MCF2L2: variants seen among roughly 807,000 people sequenced by gnomAD.
The protein encoded by MCF2L2 is MCF.2 cell line derived transforming sequence-like 2, also known as probable guanine nucleotide exchange factor MCF2L2.
A neutral mutation model predicts 150.2 loss-of-function variants in MCF2L2; 102 were observed. The ratio of observed to expected loss-of-function variants is 0.68; its 90% CI spans 0.58 to 0.80. The LOEUF (loss-of-function observed/expected upper bound fraction) is 0.80, where lower values mean the gene tolerates loss of function less well. Among genes scored for constraint, MCF2L2 ranks in the 30% least tolerant of loss-of-function variants. The pLI is 0.00. For synonymous variants in MCF2L2, 465 were observed against 491.3 expected, an observed-to-expected ratio of 0.95 and a Z score of 0.71; for missense variants, 1,256 against 1,372.8, an observed-to-expected ratio of 0.91 and a Z score of 1.34.
At chr3:183,361,511 CT>C (rs1190658277) in intron 3 of MCF2L2, among the ~76,000 whole-genome samples, 1 of 152,160 alleles carries the variant, frequency 6.6e-6, no homozygotes, top group Non-Finnish European at 1.5e-5. Flanking sequence ...GGCACCTCCC[CT>C]ATCACTCTCT....
chr3:183,216,661 G>A (rs547158186), intron 21 of MCF2L2, among the ~76,000 whole-genome samples: 14 of 134,874 alleles, frequency 1.0e-4, no homozygotes, highest in African/African-American at 3.8e-4. Flanking sequence ...CTGGAGTGCA[G>A]AGGCACGATC....
intron 3 of MCF2L2, among the ~76,000 whole-genome samples, chr3:183,365,737 A>C (rs955592437): frequency 6.6e-6 from 1 of 152,212 alleles, no homozygotes; most frequent in African/African-American, 2.4e-5. Context: ...AGATACAATA[A>C]AAGAAAAATC....
At chr3:183,204,791 T>C (rs1365289253) in intron 25 of MCF2L2, among the ~76,000 whole-genome samples, 1 of 152,130 alleles carries the variant, frequency 6.6e-6, no homozygotes, top group African/African-American at 2.4e-5. Context: ...ACAAAGATGG[T>C]ATATCCATAC....
At chr3:183,229,487 G>A (rs1723468683) in intron 17 of MCF2L2, among the ~76,000 whole-genome samples, 179 bp downstream of exon 17, 1 of 152,050 alleles carries the variant, frequency 6.6e-6, no homozygotes, top group East Asian at 1.9e-4. Flanking sequence ...TTCTCTCCAG[G>A]GATCCTGTGG....
chr3:183,282,217 C>T (rs893868049), intron 14 of MCF2L2, among the ~76,000 whole-genome samples: 2 of 151,570 alleles, frequency 1.3e-5, no homozygotes, highest in Non-Finnish European at 2.9e-5. Context: ...CTTGTGCTGT[C>T]GCCCAGGCTG....
intron 21 of MCF2L2, among the ~76,000 whole-genome samples, chr3:183,218,711 T>C (rs559789442): frequency 1.3e-5 from 2 of 152,302 alleles, no homozygotes; most frequent in African/African-American, 2.4e-5. Context: ...AAACACTGAA[T>C]GCTCAGTTTC....
intron 26 of MCF2L2, among the ~76,000 whole-genome samples, chr3:183,194,455 G>A (rs1722014035): frequency 6.6e-6 from 1 of 152,172 alleles, no homozygotes; most frequent in African/African-American, 2.4e-5. Context: ...AAGATGATCA[G>A]GAGAGTTCTA....
intron 21 of MCF2L2, among the ~76,000 whole-genome samples, chr3:183,218,491 C>T (rs1162404377): frequency 1.3e-5 from 2 of 151,944 alleles, no homozygotes; most frequent in African/African-American, 2.4e-5. Flanking sequence ...AAAAATTAGC[C>T]GGGCGTGGTG....
chr3:183,400,498 T>C (rs1328982386), intron 1 of MCF2L2: 3 of 456,434 alleles, frequency 6.6e-6, no homozygotes, highest in South Asian at 4.6e-5. Flanking sequence ...ACGACTGGAT[T>C]CCAGGAAACG....
chr3:183,271,006 G>T, intron 15 of MCF2L2: 1 of 1,366,312 alleles, frequency 7.3e-7, no homozygotes, highest in Non-Finnish European at 9.9e-7. Context: ...TTAAATGTTC[G>T]TCTATACCCT....
At chr3:183,307,081 C>T (rs993281757) in intron 10 of MCF2L2, among the ~76,000 whole-genome samples, 1 of 152,216 alleles carries the variant, frequency 6.6e-6, no homozygotes, top group South Asian at 2.1e-4. Context: ...AATCAGCATG[C>T]GACAGGAGCC....
Position 183,179,968 on chromosome 3 carries a change from C to A in MCF2L2, c.3105+103G>T. On this transcript the variant is annotated intron_variant, in intron 28 of 29. Coordinates refer to ENST00000328913, the MANE Select transcript of MCF2L2 (RefSeq NM_015078.4). The surrounding 1 kb of genome is among the most constrained non-coding windows in gnomAD (Gnocchi z 4.2). ...TAACCAGGTCCTTATGGGTGAGAAT[C>A]CTGAGGAGGGGGAGAGGGATGGAGG... The A allele has an allele frequency of 1.0e-6, 1 of 985,366 alleles. No homozygotes were observed. Among genetic ancestry groups the A allele is most frequent in the East Asian group, 2.4e-5 (1 of 41,890 alleles). The allele number at this position is 985,366 out of a possible 1,614,324, so 61.0% of individuals were successfully genotyped here. A position where few individuals can be genotyped will look rare whatever the true frequency, so the allele number is the denominator to read the frequency against.
intron 25 of MCF2L2, among the ~76,000 whole-genome samples, chr3:183,199,255 C>G (rs2108640330): frequency 6.6e-6 from 1 of 152,276 alleles, no homozygotes; most frequent in Admixed American, 6.5e-5. Flanking sequence ...AAAAAGTTAT[C>G]TTTTCATTTT....
chr3:183,348,871 A>G (rs1027452173), intron 3 of MCF2L2, among the ~76,000 whole-genome samples: 2 of 152,228 alleles, frequency 1.3e-5, no homozygotes, highest in African/African-American at 4.8e-5. Context: ...GACACAAAGC[A>G]AAAATGGGTA....
At chr3:183,353,065 C>T (rs147200965) in intron 3 of MCF2L2, among the ~76,000 whole-genome samples, 132 of 152,200 alleles carry the variant, frequency 8.7e-4, no homozygotes, top group Middle Eastern at 3.4e-3. Context: ...ATTGTTGAAG[C>T]TGGGTGATAG....
chr3:183,251,798 C>G (rs1481751657), intron 15 of MCF2L2, among the ~76,000 whole-genome samples: 2 of 151,946 alleles, frequency 1.3e-5, no homozygotes, highest in Admixed American at 6.6e-5. Context: ...TCTTCCCTAA[C>G]AAGCAAAGGG....
intron 5 of MCF2L2, among the ~76,000 whole-genome samples, chr3:183,335,424 T>C (rs540323722): frequency 6.6e-6 from 1 of 152,166 alleles, no homozygotes; most frequent in Non-Finnish European, 1.5e-5. Flanking sequence ...ATATACACTA[T>C]AATACATGTT....
chr3:183,183,086 C>A (rs1449137627), intron 27 of MCF2L2, among the ~76,000 whole-genome samples: 2 of 152,208 alleles, frequency 1.3e-5, no homozygotes, highest in Non-Finnish European at 2.9e-5. Flanking sequence ...GCCTTGACTT[C>A]CTGGGTTGAA....
intron 5 of MCF2L2, among the ~76,000 whole-genome samples, chr3:183,332,608 G>A (rs750756906): frequency 1.3e-5 from 2 of 152,056 alleles, no homozygotes; most frequent in Non-Finnish European, 2.9e-5. Flanking sequence ...CGTGACATTT[G>A]GTCAAATGCT....
Sources: gnomAD v4.1 joint callset for allele counts (sites outside exome capture counted in the v4.1 genomes callset) on GRCh38, gnomAD v4.1.1 for gene constraint, Gnocchi (gnomAD v3.1) non-coding constraint, MANE v1.5 for transcripts, NCBI Gene and HGNC (gene_info 2026-07-23, HGNC 2026-07-21) for gene names.